PDE4D: variants seen among roughly 807,000 people sequenced by gnomAD.
PDE4D encodes the protein 3',5'-cyclic-AMP phosphodiesterase 4D.
A neutral mutation model predicts 87.4 loss-of-function variants in PDE4D; 24 were observed. The ratio of observed to expected loss-of-function variants is 0.27; its 90% CI spans 0.20 to 0.39. The LOEUF (loss-of-function observed/expected upper bound fraction) is 0.39, where lower values mean the gene tolerates loss of function less well. Ranked by LOEUF, PDE4D falls within the 10% of genes least tolerant of loss-of-function variation. The probability of loss-of-function intolerance (pLI) is 1.00; values close to 1 mark genes in which losing one functional copy is unlikely to be tolerated. For missense variants in PDE4D, 714 were observed against 1,041.0 expected, an observed-to-expected ratio of 0.69 and a Z score of 4.32; for synonymous variants, 384 against 383.2, an observed-to-expected ratio of 1.00 and a Z score of -0.02.
chr5:59,041,665 C>T (rs977233247), intron 5 of PDE4D, among the ~76,000 whole-genome samples: 4 of 152,138 alleles, frequency 2.6e-5, no homozygotes, highest in Admixed American at 6.5e-5. Flanking sequence ...TTCTGTGGCT[C>T]CTCTCCCCTG....
intron 1 of PDE4D, among the ~76,000 whole-genome samples, chr5:60,365,198 C>T (rs543921867): frequency 3.2e-4 from 48 of 152,320 alleles, no homozygotes; most frequent in African/African-American, 1.0e-3. Context: ...AAATACCTAA[C>T]GTGCCCAACA....
intron 1 of PDE4D, among the ~76,000 whole-genome samples, chr5:59,740,518 A>G (rs1758685578): frequency 6.6e-6 from 1 of 152,246 alleles, no homozygotes; most frequent in Admixed American, 6.5e-5. Context: ...TGGAATTCAT[A>G]GGCAGTTTGC....
At chr5:59,470,848 C>T (rs1802328150) in intron 1 of PDE4D, among the ~76,000 whole-genome samples, 2 of 151,972 alleles carry the variant, frequency 1.3e-5, no homozygotes, top group African/African-American at 4.8e-5. Flanking sequence ...TCCTAAGGTG[C>T]TCCACTATTA....
intron 1 of PDE4D, chr5:60,487,635 A>G (rs1749259117): frequency 6.6e-6 from 1 of 152,208 alleles, no homozygotes; most frequent in Non-Finnish European, 1.5e-5. Flanking sequence ...TGATCCCAGC[A>G]TCCTGCTTTA....
intron 3 of PDE4D, among the ~76,000 whole-genome samples, chr5:59,975,650 T>A (rs993032734): frequency 6.6e-6 from 1 of 152,226 alleles, no homozygotes; most frequent in Non-Finnish European, 1.5e-5. Flanking sequence ...AGTGTTTATA[T>A]CATAGCTGCT....
chr5:60,174,292 G>A (rs545000207), intron 2 of PDE4D, among the ~76,000 whole-genome samples: 2 of 152,106 alleles, frequency 1.3e-5, no homozygotes, highest in Non-Finnish European at 2.9e-5. Flanking sequence ...GGAACATGCA[G>A]TCTCAGAAGG....
chr5:60,152,137 C>T (rs993136129), intron 2 of PDE4D, among the ~76,000 whole-genome samples: 4 of 152,026 alleles, frequency 2.6e-5, no homozygotes, highest in Non-Finnish European at 4.4e-5. Flanking sequence ...ATTTTTAGTA[C>T]GCTGTTGAAT....
In PDE4D at chr5:59,412,926, T is replaced by C. The variant is rs117275561; in HGVS notation, c.456-196958A>G. Among the ~76,000 whole-genome samples the C allele has an allele frequency of 4.3e-3, 661 of 152,340 alleles. 25 individuals are homozygous for C. The East Asian group carries it at 0.085, about 19-fold the overall frequency. The stretch of plus-strand genomic sequence containing the variant: ...TGTTTTTCTTAGGCAGTTTTCTGTA[T>C]CTTGGCATTGCTGGTACTATATTAT... On this transcript the variant is annotated intron_variant, in intron 1 of 14. Coordinates refer to ENST00000340635, the MANE Select transcript of PDE4D (RefSeq NM_001104631.2).
In PDE4D at chr5:58,979,803, C is replaced by T. The variant is rs151311003; in HGVS notation, c.1553-2458G>A. On this transcript the variant is annotated intron_variant, in intron 11 of 14. Transcript: ENST00000340635. ...TGTACCACCCATTTAGCATGTATCG[C>T]ATTCTACCTTTTTTGTCTTTATCTC... Among the ~76,000 whole-genome samples, 27 of 152,272 alleles carry T rather than the reference C, an allele frequency of 1.8e-4. 2 individuals carry two copies. The East Asian group carries it at 5.2e-3, about 29-fold the overall frequency.
At chr5:60,508,615 A>G (rs1750425272) in intron 1 of PDE4D, among the ~76,000 whole-genome samples, 1 of 152,220 alleles carries the variant, frequency 6.6e-6, no homozygotes, top group Non-Finnish European at 1.5e-5. Flanking sequence ...GTTACATTCT[A>G]TAAAGTCACT....
chr5:59,713,591 C>T (rs1025802752), intron 1 of PDE4D, among the ~76,000 whole-genome samples: 1 of 152,130 alleles, frequency 6.6e-6, no homozygotes, highest in Non-Finnish European at 1.5e-5. Context: ...ATTGGCATCA[C>T]GAACAGGATC....
chr5:60,370,010 A>T (rs147961480), intron 1 of PDE4D, among the ~76,000 whole-genome samples: 197 of 152,000 alleles, frequency 1.3e-3, no homozygotes, highest in Middle Eastern at 6.8e-3. Flanking sequence ...CATTAGTTTC[A>T]TTTTTTTTCA....
chr5:60,475,462 A>T (rs949428217), intron 1 of PDE4D, among the ~76,000 whole-genome samples: 1 of 152,180 alleles, frequency 6.6e-6, no homozygotes, highest in African/African-American at 2.4e-5. Context: ...GGACATTGGG[A>T]AACCTGCACT....
intron 1 of PDE4D, among the ~76,000 whole-genome samples, chr5:59,721,779 C>T (rs541397861): frequency 2.1e-4 from 32 of 152,198 alleles, no homozygotes; most frequent in South Asian, 8.3e-4. Flanking sequence ...TAAAGCAATC[C>T]AAATTATTCT....
intron 1 of PDE4D, among the ~76,000 whole-genome samples, chr5:59,701,070 G>T (rs1437255020): frequency 1.3e-5 from 2 of 152,080 alleles, no homozygotes; most frequent in African/African-American, 4.8e-5. Context: ...TTATCTCCAG[G>T]CTCATGTCTT....
intron 1 of PDE4D, among the ~76,000 whole-genome samples, chr5:59,714,691 G>C (rs886493462): frequency 1.3e-5 from 2 of 152,204 alleles, no homozygotes; most frequent in Non-Finnish European, 2.9e-5. Flanking sequence ...TCGCCTTCAC[G>C]GGAAGGTGAC....
intron 1 of PDE4D, among the ~76,000 whole-genome samples, chr5:59,371,410 CT>C (rs1783918135): frequency 6.6e-6 from 1 of 152,204 alleles, no homozygotes; most frequent in Non-Finnish European, 1.5e-5. Context: ...ATGTCGTGAA[CT>C]TTCCCCCACT....
chr5:58,974,599 T>C lies in PDE4D; in HGVS notation c.*65A>G. 1 of 1,437,766 alleles carries C rather than the reference T, an allele frequency of 7.0e-7. No homozygotes were observed. The highest frequency in any genetic ancestry group is 1.4e-5 in the South Asian group (1 of 70,376). The allele number at this position is 1,437,766 out of a possible 1,614,324, so 89.1% of individuals were successfully genotyped here. On this transcript the variant is annotated 3_prime_UTR_variant, in exon 15 of 15. Transcript: ENST00000340635. The stretch of plus-strand genomic sequence containing the variant: ...GAGGTGTGACCGTGGTTGTGGCATG[T>C]GACATGCACTTTGGAAACAATTTTT...
At chr5:59,375,020 A>G (rs1309480400) in intron 1 of PDE4D, among the ~76,000 whole-genome samples, 1 of 152,184 alleles carries the variant, frequency 6.6e-6, no homozygotes, top group African/African-American at 2.4e-5. Flanking sequence ...GAACCTCTGG[A>G]AAATAGCTAA....
Sources: gnomAD v4.1 joint callset for allele counts (sites outside exome capture counted in the v4.1 genomes callset) on GRCh38, gnomAD v4.1.1 for gene constraint, MANE v1.5 for transcripts, NCBI Gene and HGNC (gene_info 2026-07-23, HGNC 2026-07-21) for gene names.